AIG1: variants seen among roughly 807,000 people sequenced by gnomAD.
AIG1 encodes the protein androgen-induced gene 1 protein.
A neutral mutation model predicts 31.4 loss-of-function variants in AIG1; 23 were observed. The observed-to-expected ratio is 0.73, with a 90% CI of 0.53 to 1.04. The LOEUF (loss-of-function observed/expected upper bound fraction) is 1.04. AIG1 is among the 50% of genes least tolerant of loss of function. The pLI, the probability that AIG1 is intolerant of heterozygous loss-of-function variation, is 0.00. For synonymous variants in AIG1, 100 were observed against 110.5 expected (o/e 0.90, Z 0.60); for missense variants, 274 against 295.0 (o/e 0.93, Z 0.52).
chr6:143,122,463 G>A (rs1782320240), intron 1 of AIG1, among the ~76,000 whole-genome samples: 1 of 152,168 alleles, frequency 6.6e-6, no homozygotes, highest in Admixed American at 6.5e-5. Flanking sequence ...CAGAAAAAAT[G>A]CCATTGTTTA....
In AIG1 at chr6:143,333,560, C is replaced by T. The variant is rs777308794; in HGVS notation, c.679+115C>T. ...TTCTTTTAGCCTTCACACAGGATCT[C>T]CTATAAAGAGCTCCATTTTTAAAAC... On this transcript the variant is annotated intron_variant, in intron 5 of 5. Transcript: ENST00000357847. The surrounding 1 kb of genome is among the most constrained non-coding windows in gnomAD (Gnocchi z 4.6). 5 of 1,028,442 alleles carry T rather than the reference C, an allele frequency of 4.9e-6. No individual in the cohort carries two copies. The highest frequency in any genetic ancestry group is 6.7e-6 in the Non-Finnish European group (5 of 740,808). 63.7% of individuals were successfully genotyped at this position (1,028,442 alleles called of 1,614,324 possible). A position where few individuals can be genotyped will look rare whatever the true frequency, so the allele number is the denominator to read the frequency against.
chr6:143,299,177 T>C lies in AIG1; in HGVS notation c.515+14952T>C, dbSNP rs1258402982. 6.6e-6 allele frequency: 1 copy of C among 152,202 alleles called. No individual in the cohort carries two copies. The highest frequency in any genetic ancestry group is 1.5e-5 in the Non-Finnish European group (1 of 68,040). The allele number at this position is 152,202 out of a possible 1,614,324, so 9.4% of individuals were successfully genotyped here. Reference sequence around the variant, plus strand: ...GCTTAGTGGTCTTCTCCAGGGTAGATGGTAAGCAATGGTAGCTCCTGTTTG... The same window carrying C: ...GCTTAGTGGTCTTCTCCAGGGTAGACGGTAAGCAATGGTAGCTCCTGTTTG... On this transcript the variant is annotated intron_variant, in intron 4 of 5. Transcript: ENST00000357847. The surrounding 1 kb of genome is among the most constrained non-coding windows in gnomAD (Gnocchi z 4.1).
chr6:143,194,730 T>G (rs1790082684), intron 3 of AIG1, among the ~76,000 whole-genome samples: 1 of 152,158 alleles, frequency 6.6e-6, no homozygotes. Flanking sequence ...AACGTGTGCT[T>G]GATGTCTCCA....
intron 3 of AIG1, among the ~76,000 whole-genome samples, chr6:143,179,793 G>T (rs1179985199): frequency 6.6e-6 from 1 of 152,084 alleles, no homozygotes; most frequent in Non-Finnish European, 1.5e-5. Flanking sequence ...TCAAAAGAGA[G>T]AATTATTGTT....
chr6:143,061,136 G>GTA, intron 1 of AIG1, 70 bp downstream of exon 1: 1 of 1,561,654 alleles, frequency 6.4e-7, no homozygotes, highest in Non-Finnish European at 8.8e-7. Context: ...GTGTGTGTGT[G>GTA]TGTGTGTGTG....
At chr6:143,194,930 G>GT (rs1461639346) in intron 3 of AIG1, among the ~76,000 whole-genome samples, 2 of 152,244 alleles carry the variant, frequency 1.3e-5, no homozygotes, top group Admixed American at 6.5e-5. Context: ...CTACGGGGGA[G>GT]TCCCTAGAAA....
In AIG1 at chr6:143,115,449, C is replaced by A. The variant is rs9399421; in HGVS notation, c.142-21386C>A. On this transcript the variant is annotated intron_variant, in intron 1 of 5. Coordinates refer to ENST00000357847, the MANE Select transcript of AIG1 (RefSeq NM_016108.4). ...CTTATACCATGGTATTTATTTATACCAGGGAGGGAAGATAAATAAATTCCT... is the reference window on the plus strand; with the variant it reads ...CTTATACCATGGTATTTATTTATACAAGGGAGGGAAGATAAATAAATTCCT... Among the ~76,000 whole-genome samples the A allele has an allele frequency of 3.0e-3, 447 of 149,018 alleles. 11 individuals are homozygous for A. In the East Asian group the frequency reaches 0.063, roughly 21 times the overall value.
intron 1 of AIG1, among the ~76,000 whole-genome samples, chr6:143,089,392 A>G (rs1246112018): frequency 1.3e-5 from 2 of 152,114 alleles, no homozygotes; most frequent in African/African-American, 2.4e-5. Flanking sequence ...TTTTCCATCT[A>G]TGAGCTCTCT....
At chr6:143,064,512 T>C (rs1776521835) in intron 1 of AIG1, among the ~76,000 whole-genome samples, 1 of 152,230 alleles carries the variant, frequency 6.6e-6, no homozygotes, top group African/African-American at 2.4e-5. Flanking sequence ...TCCAGAATTG[T>C]AAAATAATAA....
chr6:143,250,339 G>C (rs961919488), intron 3 of AIG1, among the ~76,000 whole-genome samples: 1 of 152,228 alleles, frequency 6.6e-6, no homozygotes, highest in African/African-American at 2.4e-5. Context: ...TCTGATCTGA[G>C]CATGGGATAA....
chr6:143,261,753 T>C (rs943839769), intron 3 of AIG1, among the ~76,000 whole-genome samples: 18 of 152,196 alleles, frequency 1.2e-4, no homozygotes, highest in Admixed American at 5.9e-4. Context: ...GGAAACCTCA[T>C]AAACTTAAAG....
rs1394344689 is a variant in AIG1, at chr6:143,089,166, G to A, written c.141+28100G>A. Reference sequence around the variant, plus strand: ...CAGAGGTGCAGTGAGCCAAGATCATGCCATTGCACTCCAGCCTGGGCAACA... The same window carrying A: ...CAGAGGTGCAGTGAGCCAAGATCATACCATTGCACTCCAGCCTGGGCAACA... On this transcript the variant is annotated intron_variant, in intron 1 of 5. Coordinates refer to ENST00000357847, the MANE Select transcript of AIG1 (RefSeq NM_016108.4). Among the ~76,000 whole-genome samples, 6 of 151,362 alleles carry A rather than the reference G, an allele frequency of 4.0e-5. No individual in the cohort carries two copies. In the South Asian group the frequency reaches 1.0e-3, roughly 26 times the overall value.
chr6:143,298,870 A>G lies in AIG1; in HGVS notation c.515+14645A>G, dbSNP rs942962378. The G allele has an allele frequency of 1.3e-5, 2 of 152,254 alleles. No individual in the cohort carries two copies. Among genetic ancestry groups the G allele is most frequent in the East Asian group, 3.8e-4 (2 of 5,204 alleles). 9.4% of individuals were successfully genotyped at this position (152,254 alleles called of 1,614,324 possible). ...TAGCCACAGTATGTGCACTCAGAAG[A>G]AGGGAAATCTTAATTTTTATTGTGT... On this transcript the variant is annotated intron_variant, in intron 4 of 5. Transcript: ENST00000357847. The surrounding 1 kb of genome is among the most constrained non-coding windows in gnomAD (Gnocchi z 5.1).
At chr6:143,060,799 C>CCCCG (rs1554232973), upstream of AIG1, 1 of 123,358 alleles carries the variant, frequency 8.1e-6, no homozygotes, top group Non-Finnish European at 1.7e-5. Flanking sequence ...CCCGCCCCCG[C>CCCCG]CCCCGCCCCG....
chr6:143,160,355 G>C (rs1327667117), intron 2 of AIG1, among the ~76,000 whole-genome samples: 1 of 152,222 alleles, frequency 6.6e-6, no homozygotes, highest in Non-Finnish European at 1.5e-5. Context: ...CCATGTGAGA[G>C]ACTCCTTTCA....
chr6:143,210,211 T>C (rs1449525100), intron 3 of AIG1, among the ~76,000 whole-genome samples: 2 of 152,266 alleles, frequency 1.3e-5, no homozygotes, highest in African/African-American at 4.8e-5. Context: ...TTGCTTCCAC[T>C]TCTGCCATGA....
intron 3 of AIG1, among the ~76,000 whole-genome samples, chr6:143,172,247 G>A (rs1023955458): frequency 6.6e-6 from 1 of 152,084 alleles, no homozygotes; most frequent in South Asian, 2.1e-4. Context: ...TCTTGGTCAC[G>A]AAGCCTTTGC....
intron 3 of AIG1, among the ~76,000 whole-genome samples, chr6:143,225,358 C>T (rs1460072944): frequency 1.3e-5 from 2 of 152,054 alleles, no homozygotes; most frequent in Non-Finnish European, 2.9e-5. Context: ...GCCTCTTTGC[C>T]TCAGATAATT....
At chr6:143,142,159 AC>A (rs1202767161) in intron 2 of AIG1, among the ~76,000 whole-genome samples, 1 of 151,946 alleles carries the variant, frequency 6.6e-6, no homozygotes, top group Admixed American at 6.6e-5. Context: ...TGCAGCCTAA[AC>A]CCCCTGGGTT....
Sources: gnomAD v4.1 joint callset for allele counts (sites outside exome capture counted in the v4.1 genomes callset) on GRCh38, gnomAD v4.1.1 for gene constraint, Gnocchi (gnomAD v3.1) non-coding constraint, MANE v1.5 for transcripts, NCBI Gene and HGNC (gene_info 2026-07-23, HGNC 2026-07-21) for gene names.